ZNF425: variants seen among roughly 807,000 people sequenced by gnomAD.
ZNF425 encodes the protein zinc finger protein 425.
ZNF425 carries 21 observed loss-of-function variants against 17.0 expected under a neutral mutation model. That is an observed-to-expected ratio of 1.23 (90% CI 0.88 to 1.78). The LOEUF (loss-of-function observed/expected upper bound fraction) is 1.78, where lower values mean the gene tolerates loss of function less well. Ranked by LOEUF, ZNF425 falls within the 40% of genes most tolerant of loss-of-function variation. ZNF425 has a pLI of 0.00. For synonymous variants in ZNF425, 433 were observed against 384.1 expected (o/e 1.13, Z -1.49); for missense variants, 868 against 967.3 (o/e 0.90, Z 1.36).
At chr7:149,108,633 C>T (rs2129517915) in intron 3 of ZNF425, among the ~76,000 whole-genome samples, 1 of 152,260 alleles carries the variant, frequency 6.6e-6, no homozygotes, top group East Asian at 1.9e-4. Flanking sequence ...GTGGCTCACG[C>T]CTGTAATCCC....
At chr7:149,119,158 C>T (rs1010762400) in intron 1 of ZNF425, among the ~76,000 whole-genome samples, 1 of 146,250 alleles carries the variant, frequency 6.8e-6, no homozygotes, top group Non-Finnish European at 1.5e-5. Flanking sequence ...GACACCCAGG[C>T]TGGAGTGCAG....
chr7:149,120,502 A>G (rs1163565623), intron 1 of ZNF425, among the ~76,000 whole-genome samples: 2 of 152,232 alleles, frequency 1.3e-5, no homozygotes, highest in East Asian at 1.9e-4. Context: ...GTTTACCAAT[A>G]TAGTCATGTG....
In ZNF425 at chr7:149,104,401, T is replaced by C. The variant is rs745934550; in HGVS notation, c.1470A>G (p.Arg490=). 1 of 1,607,132 alleles carries C rather than the reference T, an allele frequency of 6.2e-7. No individual in the cohort carries two copies. The highest frequency in any genetic ancestry group is 8.5e-7 in the Non-Finnish European group (1 of 1,176,612). The change falls in exon 4 of 4, where the codon AGA becomes AGG. Residue 490 remains arginine, a synonymous_variant. Transcript: ENST00000378061. This position sits in a 1 kb window ranked among gnomAD's most constrained non-coding sequence, Gnocchi z 4.3. The part of the protein sequence containing the change: ...TRPSKLACHT[R]VHDRQKEFPC... ...GAAACTCCTTCTGCCTGTCGTGGAC[T>C]CTGGTGTGGCAGGCGAGCTTGGAAG...
At chr7:149,119,717 C>T (rs948408703) in intron 1 of ZNF425, among the ~76,000 whole-genome samples, 28 of 152,084 alleles carry the variant, frequency 1.8e-4, no homozygotes, top group Middle Eastern at 3.4e-3. Context: ...AGTTTGAGAC[C>T]AGCCTGAGCA....
At position 149,104,090 on chromosome 7, in the gene ZNF425, T is replaced by C. The variant is rs958969440; in HGVS notation, c.1781A>G (p.Gln594Arg). 4 of 1,612,910 alleles carry C rather than the reference T, an allele frequency of 2.5e-6. No homozygotes were observed. Among genetic ancestry groups the C allele is most frequent in the Non-Finnish European group, 3.4e-6 (4 of 1,179,978 alleles). ...CCTCAGGTGCTCGGTGAGCTGAGAC[T>C]GATGCGTGTAGGTCTTGTCACACTC... ...CGECDKTYTH[Q>R]SQLTEHLRLH... The change falls in exon 4 of 4, where the codon CAG becomes CGG. Residue 594 changes from glutamine to arginine, a missense_variant. Transcript: ENST00000378061. The surrounding 1 kb of genome is among the most constrained non-coding windows in gnomAD (Gnocchi z 4.3).
chr7:149,111,516 C>T (rs1698829144), intron 3 of ZNF425, among the ~76,000 whole-genome samples: 3 of 136,106 alleles, frequency 2.2e-5, no homozygotes, highest in African/African-American at 5.4e-5. Flanking sequence ...CCCTGGAACC[C>T]GGGAGGCAGA....
At chr7:149,116,233 G>A (rs1440553515) in intron 2 of ZNF425, among the ~76,000 whole-genome samples, 1 of 152,110 alleles carries the variant, frequency 6.6e-6, no homozygotes, top group Non-Finnish European at 1.5e-5. Flanking sequence ...TTCCAATTCT[G>A]TAAATCCAGT....
At position 149,126,309 on chromosome 7, in the gene ZNF425, A is replaced by G. The variant is rs919811749; in HGVS notation, c.-96T>C. 1.3e-6 allele frequency: 2 copies of G among 1,499,568 alleles called. No homozygotes were observed. The highest frequency in any genetic ancestry group is 1.8e-6 in the Non-Finnish European group (2 of 1,122,750). The allele number at this position is 1,499,568 out of a possible 1,614,324, so 92.9% of individuals were successfully genotyped here. On this transcript the variant is annotated 5_prime_UTR_variant, in exon 1 of 4. Coordinates refer to ENST00000378061, the MANE Select transcript of ZNF425 (RefSeq NM_001001661.3). ...TACAGCCCTGCTGGCCCCCAAAGGC[A>G]GAGCCGGCCGGGCGCGGTGCATGCT...
chr7:149,107,699 G>T (rs1040842230), intron 3 of ZNF425, among the ~76,000 whole-genome samples: 2 of 151,868 alleles, frequency 1.3e-5, no homozygotes, highest in Middle Eastern at 3.2e-3. Context: ...ATGATGACAG[G>T]AAATAGAGGA....
At chr7:149,107,562 C>A (rs887111180) in intron 3 of ZNF425, among the ~76,000 whole-genome samples, 1 of 151,960 alleles carries the variant, frequency 6.6e-6, no homozygotes, top group African/African-American at 2.4e-5. Flanking sequence ...TGGTCTCGAT[C>A]TCCTGACCTT....
intron 2 of ZNF425, 35 bp from the exon 3 acceptor site, chr7:149,112,330 T>C (rs1043070595): frequency 1.9e-6 from 3 of 1,591,962 alleles, no homozygotes; most frequent in African/African-American, 1.4e-5. Context: ...TTGAGTTTAC[T>C]GCATACTTAA....
chr7:149,112,031 C>T (rs747381484), intron 3 of ZNF425, 106 bp downstream of exon 3: 89 of 1,243,568 alleles, frequency 7.2e-5, no homozygotes, highest in Non-Finnish European at 9.3e-5. Context: ...TCCATCAAAA[C>T]AACTTTTTTT....
At chr7:149,108,920 C>T (rs35599790) in intron 3 of ZNF425, among the ~76,000 whole-genome samples, 83,380 of 151,770 alleles carry the variant, frequency 0.55, 26,185 homozygotes, top group East Asian at 0.9. Context: ...TCCCAAGCTC[C>T]TCCCATTCTA....
chr7:149,111,964 G>A, intron 3 of ZNF425, 173 bp downstream of exon 3: 2 of 571,490 alleles, frequency 3.5e-6, no homozygotes, highest in East Asian at 3.4e-5. Flanking sequence ...TTACAGGCAT[G>A]AGCCACCACG....
At chr7:149,125,919 C>G in intron 1 of ZNF425, 1 of 617,500 alleles carries the variant, frequency 1.6e-6, no homozygotes, top group Non-Finnish European at 2.8e-6. Flanking sequence ...AGCTCCCGGG[C>G]TCAAGCGCTG....
At chr7:149,126,108 G>A in intron 1 of ZNF425, 88 bp downstream of exon 1, 4 of 1,599,286 alleles carry the variant, frequency 2.5e-6, no homozygotes, top group Non-Finnish European at 3.4e-6. Context: ...GGCCCCGGCC[G>A]CCCCACTCCC....
At position 149,122,720 on chromosome 7, in the gene ZNF425, G is replaced by T. The variant is rs560379308; in HGVS notation, c.18+3476C>A. 2.0e-5 allele frequency among the ~76,000 whole-genome samples: 3 copies of T among 152,008 alleles called. No homozygotes were observed. The South Asian group carries it at 6.2e-4, about 32-fold the overall frequency. ...TTTTGTTTTTGTTTTTTTGTACACGGAGTCTCGTTCCGTCGCCCAGGTTGG... is the reference window on the plus strand; with the variant it reads ...TTTTGTTTTTGTTTTTTTGTACACGTAGTCTCGTTCCGTCGCCCAGGTTGG... On this transcript the variant is annotated intron_variant, in intron 1 of 3. Coordinates refer to ENST00000378061, the MANE Select transcript of ZNF425 (RefSeq NM_001001661.3).
chr7:149,118,795 A>T, intron 1 of ZNF425: 1 of 205,830 alleles, frequency 4.9e-6, no homozygotes, highest in South Asian at 7.0e-5. Context: ...AGCCTGGGCT[A>T]CAGAGTGAGC....
intron 3 of ZNF425, among the ~76,000 whole-genome samples, chr7:149,107,512 T>C (rs1317841691): frequency 2.0e-5 from 3 of 151,842 alleles, no homozygotes; most frequent in Non-Finnish European, 2.9e-5. Flanking sequence ...TAATTTTTTG[T>C]ATTTTTAGTA....
Sources: gnomAD v4.1 joint callset for allele counts (sites outside exome capture counted in the v4.1 genomes callset) on GRCh38, gnomAD v4.1.1 for gene constraint, Gnocchi (gnomAD v3.1) non-coding constraint, MANE v1.5 for transcripts, NCBI Gene and HGNC (gene_info 2026-07-23, HGNC 2026-07-21) for gene names.